HIRA: variants seen among roughly 807,000 people sequenced by gnomAD.
HIRA encodes histone cell cycle regulator, also known as protein HIRA.
HIRA carries 13 observed loss-of-function variants against 126.6 expected under a neutral mutation model. The ratio of observed to expected loss-of-function variants is 0.10; its 90% confidence interval spans 0.07 to 0.16. HIRA has a LOEUF of 0.16. HIRA is among the 10% of genes least tolerant of loss of function. The pLI, the probability that HIRA is intolerant of heterozygous loss-of-function variation, is 1.00. For synonymous variants in HIRA, 511 were observed against 520.0 expected, an observed-to-expected ratio of 0.98 and a Z score of 0.24; for missense variants, 834 against 1,314.4, an observed-to-expected ratio of 0.63 and a Z score of 5.65.
chr22:19,409,437 T>A (rs185729121), intron 2 of HIRA, among the ~76,000 whole-genome samples: 2 of 152,184 alleles, frequency 1.3e-5, no homozygotes, highest in Admixed American at 6.5e-5. Flanking sequence ...GCGAACACCA[T>A]GACACCTAGC....
chr22:19,356,113 C>A, intron 20 of HIRA, 117 bp downstream of exon 20: 1 of 974,298 alleles, frequency 1.0e-6, no homozygotes, highest in South Asian at 1.4e-5. Context: ...CACCTCCTGC[C>A]TCACTGAGAG....
At chr22:19,365,178 A>G (rs1287668642) in intron 15 of HIRA, among the ~76,000 whole-genome samples, 3 of 152,270 alleles carry the variant, frequency 2.0e-5, no homozygotes, top group Non-Finnish European at 4.4e-5. Context: ...AGCTGCCTCT[A>G]TAACATAAAA....
At chr22:19,347,943 TAAACAAACAAAAC>T (rs1556009411) in intron 24 of HIRA, among the ~76,000 whole-genome samples, 2 of 151,940 alleles carry the variant, frequency 1.3e-5, no homozygotes, top group Admixed American at 6.5e-5. Flanking sequence ...CGTCTCAAAA[TAAACAAACAAAAC>T]AAACAAACAA....
intron 15 of HIRA, among the ~76,000 whole-genome samples, chr22:19,370,468 T>A (rs1373113307): frequency 6.6e-6 from 1 of 152,004 alleles, no homozygotes; most frequent in African/African-American, 2.4e-5. Context: ...GGTCTCAAAC[T>A]CCCGGACTCA....
rs782550957 is a variant in HIRA, at chr22:19,353,449, G to C, written c.2755C>G (p.Leu919Val). The stretch of plus-strand genomic sequence containing the variant: ...AGTGCTGCTGCCACCTGGTTCTCTA[G>C]GTAGGCCAGGGTGGTCTCTTGCTGC... ...VVQQETTLAYLENQVAAALTL... is the reference protein window; with the variant it reads ...VVQQETTLAYVENQVAAALTL... The change falls in exon 23 of 25, where the codon CTA (leucine) becomes GTA (valine). Residue 919 changes from leucine (L) to valine (V), a missense_variant. This residue lies in a region of HIRA where 468 missense variants were observed against 574.2 expected (regional missense o/e 0.82). Transcript: ENST00000263208. The C allele has an allele frequency of 2.5e-6, 4 of 1,612,998 alleles. No individual in the cohort carries two copies. The highest frequency in any genetic ancestry group is 8.5e-7 in the Non-Finnish European group (1 of 1,179,914).
At chr22:19,353,721 C>A (rs552903289) in intron 22 of HIRA, among the ~76,000 whole-genome samples, 7 of 152,350 alleles carry the variant, frequency 4.6e-5, no homozygotes, top group African/African-American at 1.7e-4. Flanking sequence ...CCTCCTGGCA[C>A]CCTTGGGGTA....
At chr22:19,369,561 G>C (rs148903262) in intron 15 of HIRA, among the ~76,000 whole-genome samples, 43 of 152,154 alleles carry the variant, frequency 2.8e-4, no homozygotes, top group Non-Finnish European at 5.3e-4. Context: ...GAGGAAGTGG[G>C]GGACCTGGGC....
At chr22:19,334,716 C>G (rs74276659) in intron 24 of HIRA, among the ~76,000 whole-genome samples, 25,762 of 151,942 alleles carry the variant, frequency 0.17, 2,377 homozygotes, top group East Asian at 0.29. Context: ...CCAACGCACC[C>G]GGCAGTCCTT....
Position 19,359,436 on chromosome 22 carries a change from C to A in HIRA, c.2134G>T (p.Val712Leu), listed in dbSNP as rs2088843871. ...MYIEVENEVTVVGGVKLSRLK... is the reference protein window; with the variant it reads ...MYIEVENEVTLVGGVKLSRLK... The stretch of plus-strand genomic sequence containing the variant: ...CGGCTCAGCTTCACGCCCCCCACCA[C>A]TGTCACTTCATTCTCCACCTCAATG... The change falls in exon 18 of 25, where the codon GTG becomes TTG. Residue 712 changes from valine to leucine, a missense_variant. Physicochemically the swap from Val to Leu is conservative, Grantham distance 32. Transcript: ENST00000263208. 2 of 1,610,000 alleles carry A rather than the reference C, an allele frequency of 1.2e-6. No homozygotes were observed. Among genetic ancestry groups the A allele is most frequent in the Non-Finnish European group, 1.7e-6 (2 of 1,178,372 alleles).
At chr22:19,424,470 T>A (rs1243142559) in intron 1 of HIRA, among the ~76,000 whole-genome samples, 2 of 152,208 alleles carry the variant, frequency 1.3e-5, no homozygotes, top group East Asian at 1.9e-4. Context: ...CCTACCAGGT[T>A]AGAAGCCCCA....
chr22:19,383,146 G>A (rs2089091904), intron 13 of HIRA, among the ~76,000 whole-genome samples: 1 of 151,594 alleles, frequency 6.6e-6, no homozygotes. Context: ...GTAACGAGTG[G>A]GGAAAAAAAA....
At chr22:19,344,281 A>G (rs2146176980) in intron 24 of HIRA, among the ~76,000 whole-genome samples, 1 of 152,296 alleles carries the variant, frequency 6.6e-6, no homozygotes, top group Non-Finnish European at 1.5e-5. Flanking sequence ...GCTAGACTAC[A>G]TAATAAAAAG....
intron 13 of HIRA, among the ~76,000 whole-genome samples, chr22:19,382,745 C>A (rs945070783): frequency 6.6e-6 from 1 of 151,084 alleles, no homozygotes; most frequent in African/African-American, 2.4e-5. Flanking sequence ...CTATTTCTTT[C>A]ACACAGTGCT....
chr22:19,333,167 C>T (rs2088513860), intron 24 of HIRA, among the ~76,000 whole-genome samples: 1 of 152,164 alleles, frequency 6.6e-6, no homozygotes, highest in Admixed American at 6.5e-5. Context: ...CTTGTTCTCC[C>T]AAAGTGCTGG....
intron 5 of HIRA, among the ~76,000 whole-genome samples, chr22:19,399,371 A>C (rs966132983): frequency 3.3e-5 from 5 of 149,306 alleles, no homozygotes; most frequent in Non-Finnish European, 5.9e-5. Context: ...TTTTTTTTCA[A>C]ATTGTCTCAC....
intron 8 of HIRA, 64 bp from the exon 9 acceptor site, chr22:19,392,278 A>C (rs1388404970): frequency 1.0e-6 from 1 of 978,940 alleles, no homozygotes; most frequent in Non-Finnish European, 1.6e-6. Flanking sequence ...CCTGTGCCCA[A>C]GTCCCAGCCC....
Position 19,431,616 on chromosome 22 carries a change from G to A in HIRA, c.-140C>T. On this transcript the variant is annotated 5_prime_UTR_variant, in exon 1 of 25. Coordinates refer to ENST00000263208, the MANE Select transcript of HIRA (RefSeq NM_003325.4). ...CGCCCCGCGCCCTCAGGGCCGCCGC[G>A]CCATCGCCGGCCCGCGCCCCCCTCC... 4 of 775,988 alleles carry A rather than the reference G, an allele frequency of 5.2e-6. No individual in the cohort carries two copies. The highest frequency in any genetic ancestry group is 6.3e-6 in the Non-Finnish European group (4 of 638,640). 48.1% of individuals were successfully genotyped at this position (775,988 alleles called of 1,614,324 possible).
chr22:19,361,103 C>T (rs2088859250), intron 17 of HIRA, 134 bp downstream of exon 17: 1 of 710,494 alleles, frequency 1.4e-6, no homozygotes, highest in African/African-American at 1.8e-5. Context: ...TCTGCTATGA[C>T]TTCTCCCAGA....
chr22:19,345,347 C>T (rs2088674372), intron 24 of HIRA, among the ~76,000 whole-genome samples: 1 of 152,206 alleles, frequency 6.6e-6, no homozygotes, highest in African/African-American at 2.4e-5. Context: ...ATGTAAAGAG[C>T]AGCCAAGTAT....
Sources: allele counts gnomAD v4.1 joint callset (sites outside exome capture counted in the v4.1 genomes callset), GRCh38; gene constraint gnomAD v4.1.1; regional missense constraint gnomAD v4.1.1; transcripts MANE v1.5; gene names NCBI Gene and HGNC (gene_info 2026-07-23, HGNC 2026-07-21).